The following ADAMTSL1 variants were observed in gnomAD, a reference collection of about 807,000 sequenced individuals.
ADAMTSL1 encodes the protein ADAMTS like 1, also known as ADAMTS-like protein 1.
A neutral mutation model predicts 201.8 loss-of-function variants in ADAMTSL1; 126 were observed. The observed-to-expected ratio is 0.62, with a 90% CI of 0.54 to 0.72. ADAMTSL1 has a LOEUF of 0.72. ADAMTSL1 is among the 30% of genes least tolerant of loss of function. ADAMTSL1 has a pLI of 0.00. For synonymous variants in ADAMTSL1, 1,121 were observed against 903.4 expected, an observed-to-expected ratio of 1.24 and a Z score of -4.32; for missense variants, 2,679 against 2,277.8, an observed-to-expected ratio of 1.18 and a Z score of -3.59.
rs370543532 is a variant in ADAMTSL1, at chr9:18,144,270, G to A, written c.88-19592G>A. ...TGCTCAGGCTGGAGTGCAGTGGCGCGATCTTGGCTTACTGCAACCTCTGCC... is the reference window on the plus strand; with the variant it reads ...TGCTCAGGCTGGAGTGCAGTGGCGCAATCTTGGCTTACTGCAACCTCTGCC... On this transcript the variant is annotated intron_variant, in intron 1 of 29. Transcript: ENST00000680146. Among the ~76,000 whole-genome samples the A allele has an allele frequency of 1.8e-4, 28 of 151,736 alleles. No homozygotes were observed. The South Asian group carries it at 5.2e-3, about 28-fold the overall frequency.
At chr9:18,722,375 G>C (rs1833447084) in intron 15 of ADAMTSL1, among the ~76,000 whole-genome samples, 1 of 152,110 alleles carries the variant, frequency 6.6e-6, no homozygotes, top group South Asian at 2.1e-4. Flanking sequence ...ACTAAATCCA[G>C]ACTTTCAAAT....
chr9:18,244,385 A>G (rs977486922), intron 2 of ADAMTSL1, among the ~76,000 whole-genome samples: 8 of 151,982 alleles, frequency 5.3e-5, no homozygotes, highest in Admixed American at 3.3e-4. Flanking sequence ...TGTCTACTAC[A>G]TTAAGGTATA....
intron 23 of ADAMTSL1, among the ~76,000 whole-genome samples, chr9:18,874,601 C>T (rs1021638961): frequency 6.6e-6 from 1 of 152,014 alleles, no homozygotes; most frequent in Admixed American, 6.6e-5. Flanking sequence ...GATATTAAAC[C>T]ATGCCTGCAT....
At chr9:18,263,915 C>CA (rs1234506196) in intron 2 of ADAMTSL1, among the ~76,000 whole-genome samples, 7 of 151,786 alleles carry the variant, frequency 4.6e-5, no homozygotes, top group Non-Finnish European at 7.4e-5. Flanking sequence ...AGAACTGTGA[C>CA]AAAAAAAATG....
chr9:18,554,746 G>A (rs1821005116), intron 3 of ADAMTSL1, among the ~76,000 whole-genome samples: 1 of 150,338 alleles, frequency 6.7e-6, no homozygotes, highest in Non-Finnish European at 1.5e-5. Context: ...TAGGTTCACA[G>A]CAAAATTGAG....
At chr9:18,109,405 T>C (rs189393510) in intron 1 of ADAMTSL1, among the ~76,000 whole-genome samples, 8 of 152,258 alleles carry the variant, frequency 5.3e-5, no homozygotes, top group South Asian at 2.1e-4. Flanking sequence ...GCAGTACTTC[T>C]GTGTATCATA....
intron 26 of ADAMTSL1, among the ~76,000 whole-genome samples, chr9:18,896,046 T>A (rs1401643802): frequency 6.6e-6 from 1 of 151,942 alleles, no homozygotes; most frequent in African/African-American, 2.4e-5. Flanking sequence ...GATAGGCCAA[T>A]AAAAATAGAA....
intron 13 of ADAMTSL1, among the ~76,000 whole-genome samples, chr9:18,701,986 A>ATTAACTG (rs1831950255): frequency 6.6e-6 from 1 of 152,242 alleles, no homozygotes; most frequent in Non-Finnish European, 1.5e-5. Flanking sequence ...TTACAGTTCC[A>ATTAACTG]TGTGGCTGGG....
At chr9:18,033,047 G>A (rs892532379) in intron 1 of ADAMTSL1, among the ~76,000 whole-genome samples, 1 of 152,142 alleles carries the variant, frequency 6.6e-6, no homozygotes, top group Non-Finnish European at 1.5e-5. Flanking sequence ...ACTATGCCTA[G>A]TTAGCCATCT....
At chr9:18,135,881 A>G (rs892648071) in intron 1 of ADAMTSL1, among the ~76,000 whole-genome samples, 3 of 152,160 alleles carry the variant, frequency 2.0e-5, no homozygotes, top group Middle Eastern at 3.2e-3. Context: ...AACAGGTACT[A>G]TACCAAAGGC....
intron 2 of ADAMTSL1, among the ~76,000 whole-genome samples, chr9:18,232,863 G>T (rs560024827): frequency 2.0e-5 from 3 of 152,122 alleles, no homozygotes; most frequent in African/African-American, 7.2e-5. Context: ...AAACTACTTT[G>T]ATATTCAGCA....
At chr9:18,365,752 T>A (rs1388073026) in intron 2 of ADAMTSL1, among the ~76,000 whole-genome samples, 1 of 152,096 alleles carries the variant, frequency 6.6e-6, no homozygotes. Flanking sequence ...GGCTGTGGAC[T>A]GGTACCTATC....
chr9:18,350,323 G>A (rs766524871), intron 2 of ADAMTSL1, among the ~76,000 whole-genome samples: 6 of 152,086 alleles, frequency 3.9e-5, no homozygotes, highest in Non-Finnish European at 8.8e-5. Context: ...AACTGCTGCT[G>A]CTAAGGGCAG....
chr9:18,439,266 A>G (rs146166734), intron 2 of ADAMTSL1, among the ~76,000 whole-genome samples: 89 of 152,344 alleles, frequency 5.8e-4, no homozygotes, highest in African/African-American at 2.0e-3. Context: ...TAAAGAACAG[A>G]TAACACTGTA....
intron 2 of ADAMTSL1, among the ~76,000 whole-genome samples, chr9:18,409,619 A>G (rs1287137502): frequency 6.6e-6 from 1 of 151,082 alleles, no homozygotes; most frequent in African/African-American, 2.4e-5. Flanking sequence ...TTCTCAGTTT[A>G]AACTGTTTTT....
rs76356949 is a variant in ADAMTSL1 at position 18,522,133 on chromosome 9, G to A, written c.192-11114G>A. Among the ~76,000 whole-genome samples, 923 of 152,136 alleles carry A rather than the reference G, an allele frequency of 6.1e-3. 8 individuals carry two copies. The highest frequency in any genetic ancestry group is 0.042 in the East Asian group (215 of 5,158). ...TCTTACAATAATGTGTCTGTGCTAG[G>A]GACTACTAGAGGGAGGAGGAGAGAG... is the stretch of plus-strand genomic sequence containing the variant. On this transcript the variant is annotated intron_variant, in intron 2 of 28. Transcript: ENST00000380548.
At chr9:18,621,409 C>T (rs1171950507) in intron 4 of ADAMTSL1, among the ~76,000 whole-genome samples, 1 of 152,018 alleles carries the variant, frequency 6.6e-6, no homozygotes, top group African/African-American at 2.4e-5. Flanking sequence ...CTCATGGCCT[C>T]AACTATAGAA....
chr9:18,670,283 G>A (rs780135277), intron 9 of ADAMTSL1, among the ~76,000 whole-genome samples: 3 of 152,176 alleles, frequency 2.0e-5, no homozygotes, highest in East Asian at 1.9e-4. Context: ...AAAGCAGCAC[G>A]GTATCTGAAA....
intron 16 of ADAMTSL1, among the ~76,000 whole-genome samples, chr9:18,762,573 C>G (rs1417065455): frequency 6.6e-6 from 1 of 152,006 alleles, no homozygotes; most frequent in Non-Finnish European, 1.5e-5. Context: ...CCCTATTGTG[C>G]TATCAAATAG....
Sources: allele counts gnomAD v4.1 joint callset (sites outside exome capture counted in the v4.1 genomes callset), GRCh38; gene constraint gnomAD v4.1.1; transcripts MANE v1.5; gene names NCBI Gene and HGNC (gene_info 2026-07-23, HGNC 2026-07-21).